Variants in HFE observed in about 807,000 individuals in gnomAD.
HFE encodes the protein hereditary hemochromatosis protein.
HFE carries 36 observed loss-of-function variants against 40.9 expected under a neutral mutation model. The ratio of observed to expected loss-of-function variants is 0.88; its 90% confidence interval spans 0.67 to 1.16. The LOEUF (loss-of-function observed/expected upper bound fraction) is 1.16, where lower values mean the gene tolerates loss of function less well. Ranked by LOEUF, HFE falls within the 50% of genes most tolerant of loss-of-function variation. The probability of loss-of-function intolerance (pLI) is 0.00; values close to 1 mark genes in which losing one functional copy is unlikely to be tolerated. For missense variants in HFE, 376 were observed against 432.0 expected, an observed-to-expected ratio of 0.87 and a Z score of 1.15; for synonymous variants, 157 against 165.4, an observed-to-expected ratio of 0.95 and a Z score of 0.39.
At position 26,087,716 on chromosome 6, in the gene HFE, A is replaced by G. The variant is rs62625320; in HGVS notation, c.76+200A>G. Among the ~76,000 whole-genome samples the G allele has an allele frequency of 4.4e-3, 665 of 152,268 alleles. 4 individuals carry two copies. Among genetic ancestry groups the G allele is most frequent in the Middle Eastern group, 0.031 (9 of 294 alleles). On this transcript the variant is annotated intron_variant, in intron 1 of 5. Coordinates refer to ENST00000357618, the MANE Select transcript of HFE (RefSeq NM_000410.4). ...ACTGCAGATAGGGGTCCCTCGCCCC[A>G]GGACCTGCCCCCTCCCCCGGCTGTC...
At position 26,097,588 on chromosome 6, in the gene HFE, T is replaced by C. The variant is rs1763089971; in HGVS notation, c.*3362T>C. On this transcript the variant is annotated 3_prime_UTR_variant, in exon 6 of 6. Coordinates refer to ENST00000357618, the MANE Select transcript of HFE (RefSeq NM_000410.4). ...AGGGGCGTGCACTGGAAATCACTTGTAGAGAAAAGCCCCTGAAAATTTGAG... is the reference window on the plus strand; with the variant it reads ...AGGGGCGTGCACTGGAAATCACTTGCAGAGAAAAGCCCCTGAAAATTTGAG... The C allele has an allele frequency of 6.6e-6, 1 of 152,152 alleles. No homozygotes were observed. The highest frequency in any genetic ancestry group is 2.1e-4 in the South Asian group (1 of 4,836). 9.4% of individuals were successfully genotyped at this position (152,152 alleles called of 1,614,324 possible). A position where few individuals can be genotyped will look rare whatever the true frequency, so the allele number is the denominator to read the frequency against.
At chr6:26,089,215 C>A (rs1277711830) in intron 1 of HFE, among the ~76,000 whole-genome samples, 2 of 151,942 alleles carry the variant, frequency 1.3e-5, no homozygotes, top group African/African-American at 4.8e-5. Flanking sequence ...AGCACTCCCC[C>A]AGTCTTGACA....
chr6:26,092,834 G>A lies in HFE; in HGVS notation c.766G>A (p.Val256Ile), dbSNP rs202068193. ...MDAKEFEPKD[V>I]LPNGDGTYQG... ...TGCCAAGGAGTTCGAACCTAAAGAC[G>A]TATTGCCCAATGGGGATGGGACCTA... Residue 256 changes from valine (V) to isoleucine (I), a missense_variant, in exon 4 of 6, where the codon GTA becomes ATA. Val to Ile is a conservative substitution (Grantham distance 29). Coordinates refer to ENST00000357618, the MANE Select transcript of HFE (RefSeq NM_000410.4). 45 of 1,614,110 alleles carry A rather than the reference G, an allele frequency of 2.8e-5. No individual in the cohort carries two copies. Among genetic ancestry groups the A allele is most frequent in the Non-Finnish European group, 3.6e-5 (42 of 1,180,056 alleles).
At position 26,097,414 on chromosome 6, in the gene HFE, A is replaced by G. The variant is rs1250616536; in HGVS notation, c.*3188A>G. 6.6e-6 allele frequency: 1 copy of G among 152,164 alleles called. No individual in the cohort carries two copies. The highest frequency in any genetic ancestry group is 1.5e-5 in the Non-Finnish European group (1 of 68,046). 9.4% of individuals were successfully genotyped at this position (152,164 alleles called of 1,614,324 possible). A position where few individuals can be genotyped will look rare whatever the true frequency, so the allele number is the denominator to read the frequency against. The stretch of plus-strand genomic sequence containing the variant: ...TCAAAGACCTGCATTTTAAATTCTT[A>G]TTCACCTCTGGCAAAACCATTCACA... On this transcript the variant is annotated 3_prime_UTR_variant, in exon 6 of 6. Coordinates refer to ENST00000357618, the MANE Select transcript of HFE (RefSeq NM_000410.4).
At chr6:26,088,448 A>G (rs561117132) in intron 1 of HFE, among the ~76,000 whole-genome samples, 9 of 152,312 alleles carry the variant, frequency 5.9e-5, no homozygotes, top group African/African-American at 2.2e-4. Flanking sequence ...AACATAAATA[A>G]TCTGGTTTTC....
intron 3 of HFE, 32 bp from the exon 4 acceptor site, chr6:26,092,653 C>A: frequency 2.5e-6 from 4 of 1,614,148 alleles, no homozygotes; most frequent in Non-Finnish European, 3.4e-6. Context: ...TAAACAGATC[C>A]CCTCTCCTCA....
At chr6:26,091,931 C>T (rs1270808509) in intron 3 of HFE, among the ~76,000 whole-genome samples, 2 of 151,990 alleles carry the variant, frequency 1.3e-5, no homozygotes, top group Admixed American at 1.3e-4. Context: ...GTAATCCCAG[C>T]ACTTTGGGAG....
At position 26,096,771 on chromosome 6, in the gene HFE, G is replaced by A; in HGVS notation, c.*2545G>A. On this transcript the variant is annotated 3_prime_UTR_variant, in exon 6 of 6. Transcript: ENST00000357618. Reference sequence around the variant, plus strand: ...ACTATTAACAACTTGTCTATTACCTGTTAGTATTATTGTTGCATTAAAAAT... The same window carrying A: ...ACTATTAACAACTTGTCTATTACCTATTAGTATTATTGTTGCATTAAAAAT... The A allele has an allele frequency of 5.5e-6, 2 of 362,708 alleles. No homozygotes were observed. Among genetic ancestry groups the A allele is most frequent in the South Asian group, 4.3e-5 (2 of 46,646 alleles). The allele number at this position is 362,708 out of a possible 1,614,324, so 22.5% of individuals were successfully genotyped here.
rs377202967 is a variant in HFE, at chr6:26,091,602, C to T, written c.616+13C>T. Reference sequence around the variant, plus strand: ...TTGGACCAACAAGGTATGGTGGAAACACACTTCTGCCCCTATACTCTAGTG... The same window carrying T: ...TTGGACCAACAAGGTATGGTGGAAATACACTTCTGCCCCTATACTCTAGTG... On this transcript the variant is annotated intron_variant, in intron 3 of 5. Transcript: ENST00000357618. 1.6e-5 allele frequency: 25 copies of T among 1,611,974 alleles called. No individual in the cohort carries two copies. In the African/African-American group the frequency reaches 3.1e-4, roughly 20 times the overall value.
chr6:26,090,712 C>A, intron 1 of HFE, 129 bp from the exon 2 acceptor site: 1 of 979,372 alleles, frequency 1.0e-6, no homozygotes, highest in South Asian at 1.3e-5. Flanking sequence ...AAAGACAGGA[C>A]TGCAACTCAC....
At chr6:26,093,337 A>G (rs1249183980) in intron 5 of HFE, 105 bp downstream of exon 5, 5 of 813,276 alleles carry the variant, frequency 6.1e-6, no homozygotes, top group African/African-American at 5.1e-5. Context: ...TTTCTCATTT[A>G]TATTCTTTGG....
chr6:26,087,879 A>T (rs936206574), intron 1 of HFE, among the ~76,000 whole-genome samples: 1 of 152,154 alleles, frequency 6.6e-6, no homozygotes, highest in Non-Finnish European at 1.5e-5. Context: ...TTTATTTCCA[A>T]TGTCAGCTGT....
intron 3 of HFE, 93 bp from the exon 4 acceptor site, chr6:26,092,588 TTTCC>T: frequency 6.2e-7 from 1 of 1,610,938 alleles, no homozygotes; most frequent in South Asian, 1.1e-5. Context: ...GAAAAGGGTA[TTTCC>T]TTCCTCCAAC....
Position 26,091,025 on chromosome 6 carries a change from G to A in HFE, c.261G>A (p.Leu87=). The A allele has an allele frequency of 6.2e-7, 1 of 1,614,218 alleles. No homozygotes were observed. Residue 87 remains leucine, a synonymous_variant, in exon 2 of 6, where the codon CTG becomes CTA. Coordinates refer to ENST00000357618, the MANE Select transcript of HFE (RefSeq NM_000410.4). ...TTTCAAGCCAGATGTGGCTGCAGCT[G>A]AGTCAGAGTCTGAAAGGGTGGGATC... The part of the protein sequence containing the change: ...SRISSQMWLQ[L]SQSLKGWDHM...
intron 1 of HFE, among the ~76,000 whole-genome samples, chr6:26,089,114 G>C (rs1467734646): frequency 6.7e-5 from 10 of 148,372 alleles, no homozygotes; most frequent in Non-Finnish European, 1.0e-4. Flanking sequence ...TGTGTGGGGG[G>C]GGGGGGCGGC....
At chr6:26,089,093 T>C (rs1235364550) in intron 1 of HFE, among the ~76,000 whole-genome samples, 2 of 101,634 alleles carry the variant, frequency 2.0e-5, no homozygotes, top group African/African-American at 4.4e-5. Context: ...TCAGCACTAC[T>C]CATGTGTGTG....
chr6:26,094,358 T>G lies in HFE; in HGVS notation c.*132T>G. 1.2e-6 allele frequency: 1 copy of G among 839,234 alleles called. No individual in the cohort carries two copies. Among genetic ancestry groups the G allele is most frequent in the Non-Finnish European group, 2.0e-6 (1 of 503,216 alleles). 52.0% of individuals were successfully genotyped at this position (839,234 alleles called of 1,614,324 possible). ...AGAAATTGCCTGACGAACTCCTTGA[T>G]TTTAGCCTTCTCTGTTCATTTCCTC... On this transcript the variant is annotated 3_prime_UTR_variant, in exon 6 of 6. Coordinates refer to ENST00000357618, the MANE Select transcript of HFE (RefSeq NM_000410.4).
In HFE at chr6:26,094,585, A is replaced by C; in HGVS notation, c.*359A>C. 1.6e-6 allele frequency: 1 copy of C among 643,994 alleles called. No homozygotes were observed. The highest frequency in any genetic ancestry group is 2.8e-6 in the Non-Finnish European group (1 of 359,822). The allele number at this position is 643,994 out of a possible 1,614,324, so 39.9% of individuals were successfully genotyped here. A position where few individuals can be genotyped will look rare whatever the true frequency, so the allele number is the denominator to read the frequency against. ...GACTCCTTAAATTTGGGGGACTTAC[A>C]TGATTCATTTTAACATCTGAGAAAA... On this transcript the variant is annotated 3_prime_UTR_variant, in exon 6 of 6. Transcript: ENST00000357618.
At chr6:26,089,108 TGG>T (rs60292295) in intron 1 of HFE, among the ~76,000 whole-genome samples, 180 of 56,330 alleles carry the variant, frequency 3.2e-3, no homozygotes, top group South Asian at 0.019. Flanking sequence ...TGTGTGTGTG[TGG>T]GGGGGGGGGG....
Sources: allele counts gnomAD v4.1 joint callset (sites outside exome capture counted in the v4.1 genomes callset), GRCh38; gene constraint gnomAD v4.1.1; transcripts MANE v1.5; gene names NCBI Gene and HGNC (gene_info 2026-07-23, HGNC 2026-07-21).